The following WNK4 variants were observed in gnomAD, a reference collection of about 807,000 sequenced individuals.
The protein encoded by WNK4 is serine/threonine-protein kinase WNK4.
A neutral mutation model predicts 116.2 loss-of-function variants in WNK4; 94 were observed. The ratio of observed to expected loss-of-function variants is 0.81; its 90% confidence interval spans 0.68 to 0.96. The LOEUF is 0.96. WNK4 is among the 40% of genes least tolerant of loss of function. The pLI, the probability that WNK4 is intolerant of heterozygous loss-of-function variation, is 0.00. For synonymous variants in WNK4, 655 were observed against 672.7 expected, an observed-to-expected ratio of 0.97 and a Z score of 0.41; for missense variants, 1,542 against 1,650.6, an observed-to-expected ratio of 0.93 and a Z score of 1.14.
chr17:42,788,304 C>G lies in WNK4; in HGVS notation c.1937C>G (p.Ala646Gly). Residue 646 changes from alanine (A) to glycine (G), a missense_variant, in exon 10 of 19, where the codon GCA becomes GGA. Transcript: ENST00000246914. Reference protein sequence around the residue: ...FSPGDSYASDAASGLSDVGEG... With the variant: ...FSPGDSYASDGASGLSDVGEG... ...CTCTTTAACAGCTATGCCTCAGATGCAGCTTCAGGCCTTAGCGATGTGGGA... is the reference window on the plus strand; with the variant it reads ...CTCTTTAACAGCTATGCCTCAGATGGAGCTTCAGGCCTTAGCGATGTGGGA... The G allele has an allele frequency of 6.2e-7, 1 of 1,614,120 alleles. No homozygotes were observed. Among genetic ancestry groups the G allele is most frequent in the Non-Finnish European group, 8.5e-7 (1 of 1,180,028 alleles).
chr17:42,792,767 G>A (rs1030137835), intron 11 of WNK4, among the ~76,000 whole-genome samples: 1 of 152,186 alleles, frequency 6.6e-6, no homozygotes, highest in Non-Finnish European at 1.5e-5. Flanking sequence ...AGTATTCATG[G>A]ATTTGAATGT....
At chr17:42,787,057 T>C (rs1362155163) in intron 6 of WNK4, among the ~76,000 whole-genome samples, 1 of 152,232 alleles carries the variant, frequency 6.6e-6, no homozygotes, top group Non-Finnish European at 1.5e-5. Flanking sequence ...AACCAGCTAC[T>C]TCATTAATCT....
Position 42,796,993 on chromosome 17 carries a change from T to C in WNK4, c.*305T>C. The C allele has an allele frequency of 1.9e-6, 1 of 530,686 alleles. No individual in the cohort carries two copies. Among genetic ancestry groups the C allele is most frequent in the South Asian group, 2.1e-5 (1 of 47,508 alleles). The allele number at this position is 530,686 out of a possible 1,614,324, so 32.9% of individuals were successfully genotyped here. ...CCTGGATGCTTCTAGAGGGGCCCAC[T>C]CCCAGCTGGGAGAGTGTAGGGGATA... On this transcript the variant is annotated 3_prime_UTR_variant, in exon 19 of 19. Coordinates refer to ENST00000246914, the MANE Select transcript of WNK4 (RefSeq NM_032387.5).
rs759465498 is a variant in WNK4 at position 42,795,312 on chromosome 17, C to T, written c.2891C>T (p.Pro964Leu). 1.2e-6 allele frequency: 2 copies of T among 1,614,096 alleles called. No homozygotes were observed. The highest frequency in any genetic ancestry group is 4.5e-5 in the East Asian group (2 of 44,858). ...CCTCCTAGTCCCCTCCCTAGCCTGC[C>T]CCTTCCCCCTCCCGTTGCTCCTGGT... ...PAPPSPLPSL[P>L]LPPPVAPGGQ... The change falls in exon 14 of 19, where the codon CCC (proline) becomes CTC (leucine). Residue 964 changes from proline (P) to leucine (L), a missense_variant. Coordinates refer to ENST00000246914, the MANE Select transcript of WNK4 (RefSeq NM_032387.5).
In WNK4 at chr17:42,789,850, T is replaced by A. The variant is rs536092502; in HGVS notation, c.2157+1053T>A. Among the ~76,000 whole-genome samples, 65 of 149,882 alleles carry A rather than the reference T, an allele frequency of 4.3e-4. 1 individual carries two copies. The highest frequency in any genetic ancestry group is 1.5e-3 in the African/African-American group (60 of 40,722). On this transcript the variant is annotated intron_variant, in intron 11 of 18. Transcript: ENST00000246914. The stretch of plus-strand genomic sequence containing the variant: ...TGAGACCCTATCTCTACAAAAAATT[T>A]AAAAAATTAGCCGTGTGTGGCGGCA...
intron 2 of WNK4, 69 bp from the exon 3 acceptor site, chr17:42,783,868 C>A: frequency 6.8e-7 from 1 of 1,475,866 alleles, no homozygotes; most frequent in Non-Finnish European, 9.2e-7. Context: ...GGGGGAACTT[C>A]CCAGTGGGGG....
Position 42,781,023 on chromosome 17 carries a change from A to T in WNK4, c.325A>T (p.Thr109Ser). The change falls in exon 1 of 19, where the codon ACG becomes TCG. Residue 109 changes from threonine (T) to serine (S), a missense_variant. Transcript: ENST00000246914. ...TAGCTCCAAAGAACCCCCCGAGGGCACGTGGACCGAGGGAGCCCCTGTGAA... is the reference window on the plus strand; with the variant it reads ...TAGCTCCAAAGAACCCCCCGAGGGCTCGTGGACCGAGGGAGCCCCTGTGAA... ...PPSSKEPPEGTWTEGAPVKAA... is the reference protein window; with the variant it reads ...PPSSKEPPEGSWTEGAPVKAA... The T allele has an allele frequency of 1.2e-6, 2 of 1,610,600 alleles. No homozygotes were observed. Among genetic ancestry groups the T allele is most frequent in the African/African-American group, 2.7e-5 (2 of 75,020 alleles).
Position 42,787,510 on chromosome 17 carries a change from T to C in WNK4, c.1709T>C (p.Leu570Pro). Reference sequence around the variant, plus strand: ...GAGGCAGACCAGCACCAGCCCTTCCTTTTCCGCCACGCCAGCTACTCATCT... The same window carrying C: ...GAGGCAGACCAGCACCAGCCCTTCCCTTTCCGCCACGCCAGCTACTCATCT... ...EPEADQHQPF[L>P]FRHASYSSTT... Residue 570 changes from leucine (L) to proline (P), a missense_variant, in exon 7 of 19, where the codon CTT becomes CCT. Coordinates refer to ENST00000246914, the MANE Select transcript of WNK4 (RefSeq NM_032387.5). 1 of 1,552,734 alleles carries C rather than the reference T, an allele frequency of 6.4e-7. No individual in the cohort carries two copies.
At chr17:42,787,237 G>A (rs948167437) in intron 6 of WNK4, 41 bp from the exon 7 acceptor site, 10 of 1,611,160 alleles carry the variant, frequency 6.2e-6, no homozygotes, top group Middle Eastern at 1.6e-4. Flanking sequence ...CTTTGATAGG[G>A]GGTCCCAAGC....
chr17:42,783,043 A>T, intron 2 of WNK4, 113 bp downstream of exon 2: 1 of 1,391,888 alleles, frequency 7.2e-7, no homozygotes, highest in East Asian at 2.5e-5. Flanking sequence ...AACCAGGTTC[A>T]CCATCTCCCT....
At chr17:42,785,725 T>C (rs1202271188) in intron 6 of WNK4, among the ~76,000 whole-genome samples, 1 of 152,192 alleles carries the variant, frequency 6.6e-6, no homozygotes, top group Non-Finnish European at 1.5e-5. Context: ...CTCCAGCTGA[T>C]CTGTTCTTCC....
At position 42,787,794 on chromosome 17, in the gene WNK4, T is replaced by C. The variant is rs1196309952; in HGVS notation, c.1758T>C (p.Asp586=). 1.9e-6 allele frequency: 3 copies of C among 1,612,334 alleles called. No homozygotes were observed. The highest frequency in any genetic ancestry group is 2.5e-6 in the Non-Finnish European group (3 of 1,180,016). ...YSSTTSDCET[D]GYLSSSGFLD... ...CCCAACCAGCGGATTGCGAGACTGA[T>C]GGCTACCTCAGCTCCTCCGGCTTCC... Residue 586 remains aspartate, a synonymous_variant, in exon 8 of 19, where the codon GAT becomes GAC. Transcript: ENST00000246914.
intron 2 of WNK4, among the ~76,000 whole-genome samples, chr17:42,783,284 C>G (rs959561731): frequency 2.0e-5 from 3 of 152,174 alleles, no homozygotes. Context: ...AAAGGGCCTT[C>G]CCAAACTCTG....
chr17:42,788,837 G>A, intron 11 of WNK4, 40 bp downstream of exon 11: 1 of 1,541,356 alleles, frequency 6.5e-7, no homozygotes, highest in African/African-American at 1.4e-5. Flanking sequence ...TTTGGATCTG[G>A]AACAAGAGTC....
At chr17:42,794,026 T>C (rs2054635095) in intron 12 of WNK4, 1 of 370,812 alleles carries the variant, frequency 2.7e-6, no homozygotes, top group Admixed American at 4.0e-5. Context: ...CTAATTTTTT[T>C]TGTATTTTTA....
At position 42,796,583 on chromosome 17, in the gene WNK4, G is replaced by A. The variant is rs55972763; in HGVS notation, c.3729+5G>A. 6.2e-7 allele frequency: 1 copy of A among 1,614,208 alleles called. No homozygotes were observed. The highest frequency in any genetic ancestry group is 8.5e-7 in the Non-Finnish European group (1 of 1,180,024). On this transcript the variant is annotated splice_donor_5th_base_variant and intron_variant, in intron 18 of 18. Coordinates refer to ENST00000246914, the MANE Select transcript of WNK4 (RefSeq NM_032387.5). ...GCCGGGGATGTTGGCAGGATGGTGA[G>A]GGCGGGCCCAAGGGAGGGAGAGCCC... is the stretch of plus-strand genomic sequence containing the variant.
chr17:42,794,838 C>T lies in WNK4; in HGVS notation c.2417C>T (p.Ser806Phe), dbSNP rs2054645304. 1.9e-6 allele frequency: 3 copies of T among 1,613,866 alleles called. No homozygotes were observed. The highest frequency in any genetic ancestry group is 1.6e-4 in the Middle Eastern group (1 of 6,082). The change falls in exon 14 of 19, where the codon TCT becomes TTT. Residue 806 changes from serine to phenylalanine, a missense_variant. Ser to Phe is a radical substitution (Grantham distance 155). Transcript: ENST00000246914. ...SWTAFSTSSSSPGTPLSPGNP... is the reference protein window; with the variant it reads ...SWTAFSTSSSFPGTPLSPGNP... ...ACAGCCTTCTCCACCTCCTCATCTT[C>T]TCCTGGAACTCCTTTGTCTCCTGGA... is the stretch of plus-strand genomic sequence containing the variant.
In WNK4 at chr17:42,783,928, C is replaced by G. The variant is rs1371637096; in HGVS notation, c.792-9C>G. 1.9e-6 allele frequency: 3 copies of G among 1,611,822 alleles called. No individual in the cohort carries two copies. The highest frequency in any genetic ancestry group is 2.2e-5 in the East Asian group (1 of 44,818). On this transcript the variant is annotated splice_polypyrimidine_tract_variant and intron_variant, in intron 2 of 18. Transcript: ENST00000246914. Reference sequence around the variant, plus strand: ...CCCACCAGGACTCTGGCTATGCGCCCTCCCCCAGGTACCTGAGGCGGTTCC... The same window carrying G: ...CCCACCAGGACTCTGGCTATGCGCCGTCCCCCAGGTACCTGAGGCGGTTCC...
At position 42,795,133 on chromosome 17, in the gene WNK4, T is replaced by A; in HGVS notation, c.2712T>A (p.Pro904=). 6.2e-7 allele frequency: 1 copy of A among 1,614,028 alleles called. No individual in the cohort carries two copies. The highest frequency in any genetic ancestry group is 8.5e-7 in the Non-Finnish European group (1 of 1,179,970). The change falls in exon 14 of 19, where the codon CCT becomes CCA. Residue 904 remains proline, a synonymous_variant. Transcript: ENST00000246914. ...PTCSQVTLSS[P]FFPPCPSTSS... ...GTTCTCAGGTCACTCTTAGTTCCCC[T>A]TTCTTTCCTCCGTGCCCCTCCACTT... is the stretch of plus-strand genomic sequence containing the variant.
Sources: allele counts gnomAD v4.1 joint callset (sites outside exome capture counted in the v4.1 genomes callset), GRCh38; gene constraint gnomAD v4.1.1; transcripts MANE v1.5; gene names NCBI Gene and HGNC (gene_info 2026-07-23, HGNC 2026-07-21).